Variants in SPTB observed in about 807,000 individuals in gnomAD.
SPTB encodes spectrin beta chain, erythrocytic.
A neutral mutation model predicts 256.2 loss-of-function variants in SPTB; 45 were observed. That is an observed-to-expected ratio of 0.18 (90% CI 0.14 to 0.23). The LOEUF (loss-of-function observed/expected upper bound fraction) is 0.23, where lower values mean the gene tolerates loss of function less well. SPTB is among the 10% of genes least tolerant of loss of function. The probability of loss-of-function intolerance (pLI) is 1.00; values close to 1 mark genes in which losing one functional copy is unlikely to be tolerated. For synonymous variants in SPTB, 1,231 were observed against 1,243.1 expected (o/e 0.99, Z 0.21); for missense variants, 2,715 against 3,040.4 (o/e 0.89, Z 2.52).
chr14:64,799,678 T>C, intron 9 of SPTB, 69 bp downstream of exon 9: 1 of 1,584,278 alleles, frequency 6.3e-7, no homozygotes, highest in Non-Finnish European at 8.6e-7. Flanking sequence ...GCCCAGAACC[T>C]GGCTCTACCT....
chr14:64,794,863 G>A (rs2082738005), intron 12 of SPTB, among the ~76,000 whole-genome samples: 2 of 152,198 alleles, frequency 1.3e-5, no homozygotes, highest in South Asian at 4.1e-4. Flanking sequence ...TACTGCATCG[G>A]TCTCAGGGTT....
chr14:64,765,939 T>C (rs760067501), intron 32 of SPTB, among the ~76,000 whole-genome samples: 74 of 148,556 alleles, frequency 5.0e-4, no homozygotes, highest in South Asian at 1.3e-3. Context: ...TGTATGTGTG[T>C]GGGTGTGAGT....
In SPTB at chr14:64,815,301, G is replaced by A. The variant is rs569863520; in HGVS notation, c.148+7646C>T. 1.2e-4 allele frequency among the ~76,000 whole-genome samples: 18 copies of A among 148,164 alleles called. No individual in the cohort carries two copies. The South Asian group carries it at 3.4e-3, about 28-fold the overall frequency. On this transcript the variant is annotated intron_variant, in intron 2 of 35. Transcript: ENST00000644917. ...ATGAAGCGGGCATCTCCCATGAAGCGCGAAGGAGCATGTGAGGTAAGAATG... is the reference window on the plus strand; with the variant it reads ...ATGAAGCGGGCATCTCCCATGAAGCACGAAGGAGCATGTGAGGTAAGAATG...
At chr14:64,832,185 T>C (rs1461206049) in intron 1 of SPTB, among the ~76,000 whole-genome samples, 1 of 152,228 alleles carries the variant, frequency 6.6e-6, no homozygotes, top group Non-Finnish European at 1.5e-5. Context: ...GTCACTCAAC[T>C]CACTGAAATC....
At position 64,795,595 on chromosome 14, in the gene SPTB, C is replaced by A. The variant is rs373287476; in HGVS notation, c.1386G>T (p.Lys462Asn). Reference protein sequence around the residue: ...YDLAAVEAAKKKHEAIETDTA... With the variant: ...YDLAAVEAAKNKHEAIETDTA... ...TGTCGGTCTCGATGGCCTCATGCTT[C>A]TTCTTGGCGGCCTCCACAGCTGCCA... Residue 462 changes from lysine to asparagine, a missense_variant, in exon 12 of 36, where the codon AAG (lysine) becomes AAT (asparagine). Transcript: ENST00000644917. This position sits in a 1 kb window ranked among gnomAD's most constrained non-coding sequence, Gnocchi z 6.5. 8 of 1,614,096 alleles carry A rather than the reference C, an allele frequency of 5.0e-6. No individual in the cohort carries two copies. Among genetic ancestry groups the A allele is most frequent in the Non-Finnish European group, 6.8e-6 (8 of 1,180,012 alleles).
chr14:64,822,088 G>A (rs529915007), intron 2 of SPTB, among the ~76,000 whole-genome samples: 1 of 151,880 alleles, frequency 6.6e-6, no homozygotes, highest in South Asian at 2.1e-4. Flanking sequence ...CAATGATAGG[G>A]AAACAGGTCC....
At chr14:64,859,124 C>T (rs1327149310) in intron 1 of SPTB, among the ~76,000 whole-genome samples, 1 of 149,490 alleles carries the variant, frequency 6.7e-6, no homozygotes, top group Non-Finnish European at 1.5e-5. Context: ...CGTGGTGGCA[C>T]GTGCCTATAG....
intron 1 of SPTB, among the ~76,000 whole-genome samples, chr14:64,871,855 A>G (rs1882551203): frequency 6.6e-6 from 1 of 152,248 alleles, no homozygotes; most frequent in African/African-American, 2.4e-5. Flanking sequence ...AAATATGACA[A>G]CCAGGAAGCA....
rs997592536 is a variant in SPTB at position 64,792,035 on chromosome 14, T to C, written c.2667-179A>G. Among the ~76,000 whole-genome samples the C allele has an allele frequency of 4.6e-5, 7 of 152,284 alleles. No individual in the cohort carries two copies. The highest frequency in any genetic ancestry group is 4.1e-4 in the South Asian group (2 of 4,832). On this transcript the variant is annotated intron_variant, in intron 14 of 35. Transcript: ENST00000644917. This position sits in a 1 kb window ranked among gnomAD's most constrained non-coding sequence, Gnocchi z 4.2. Reference sequence around the variant, plus strand: ...TATGCTGGCCCTCCTTTCTGGTTCATGGGTTTGATTTCATGAGTTAGCATT... The same window carrying C: ...TATGCTGGCCCTCCTTTCTGGTTCACGGGTTTGATTTCATGAGTTAGCATT...
rs781166998 is a variant in SPTB, at chr14:64,749,565, C to A, written c.6819+89G>T. The A allele has an allele frequency of 2.3e-4, 372 of 1,605,368 alleles. No homozygotes were observed. Among genetic ancestry groups the A allele is most frequent in the Non-Finnish European group, 2.7e-4 (322 of 1,179,010 alleles). ...AATGGTGGGGGCTCTTGGGACTGCC[C>A]CTTCTGAGGGGGCCTCCAGGGCAAG... On this transcript the variant is annotated intron_variant, in intron 35 of 35. Transcript: ENST00000644917. The surrounding 1 kb of genome is among the most constrained non-coding windows in gnomAD (Gnocchi z 4.7).
rs763003753 is a variant in SPTB at position 64,793,521 on chromosome 14, G to C, written c.2142C>G (p.Ile714Met). ...CCGACACCTCCTTTATGCGGGCCTC[G>C]ATCTGCGGGTGCCCAAACTGCTTGC... is the stretch of plus-strand genomic sequence containing the variant. Reference protein sequence around the residue: ...VARKQFGHPQIEARIKEVSAQ... With the variant: ...VARKQFGHPQMEARIKEVSAQ... Residue 714 changes from isoleucine (I) to methionine (M), a missense_variant, in exon 14 of 36, where the codon ATC becomes ATG. Ile to Met is a conservative substitution (Grantham distance 10). This residue lies in a region of SPTB where 2,239 missense variants were observed against 2,384.4 expected (regional missense o/e 0.94). Coordinates refer to ENST00000644917, the MANE Select transcript of SPTB (RefSeq NM_001355436.2). This position sits in a 1 kb window ranked among gnomAD's most constrained non-coding sequence, Gnocchi z 7.0. The C allele has an allele frequency of 1.6e-5, 26 of 1,613,970 alleles. No homozygotes were observed. The Admixed American group carries it at 4.3e-4, about 27-fold the overall frequency.
Position 64,773,213 on chromosome 14 carries a change from T to G in SPTB, c.5178+7A>C. ...AGACAAAAACAGCAGGAGTTGTGGC[T>G]ACTCACAGTCACGTGGTCAAAGTCT... is the stretch of plus-strand genomic sequence containing the variant. On this transcript the variant is annotated splice_region_variant and intron_variant, in intron 25 of 35. Coordinates refer to ENST00000644917, the MANE Select transcript of SPTB (RefSeq NM_001355436.2). 1 of 1,614,190 alleles carries G rather than the reference T, an allele frequency of 6.2e-7. No homozygotes were observed. Among genetic ancestry groups the G allele is most frequent in the East Asian group, 2.2e-5 (1 of 44,882 alleles).
intron 19 of SPTB, among the ~76,000 whole-genome samples, chr14:64,783,044 G>C (rs2082499470): frequency 6.6e-6 from 1 of 152,136 alleles, no homozygotes; most frequent in African/African-American, 2.4e-5. Flanking sequence ...AGTCAGTGCA[G>C]AAACTGCCCC....
intron 20 of SPTB, among the ~76,000 whole-genome samples, chr14:64,781,972 C>T (rs970180852): frequency 1.3e-5 from 2 of 152,064 alleles, no homozygotes; most frequent in South Asian, 2.1e-4. Context: ...AAACAGAAAA[C>T]CAAATACCAC....
At chr14:64,808,073 C>CGCAATCTTGGCTCACT (rs2083019235) in intron 2 of SPTB, among the ~76,000 whole-genome samples, 1 of 152,194 alleles carries the variant, frequency 6.6e-6, no homozygotes, top group African/African-American at 2.4e-5. Flanking sequence ...AGTGCAGCGG[C>CGCAATCTTGGCTCACT]GCAATCTTGG....
At position 64,775,149 on chromosome 14, in the gene SPTB, G is replaced by A. The variant is rs4899145; in HGVS notation, c.4818C>T (p.Tyr1606=). ...AEAWIGEQEL[Y]VISDEIPKDE... is the part of the protein sequence containing the mutation. Reference sequence around the variant, plus strand: ...CCTTGGGGATCTCATCGGAGATGACGTAGAGCTCCTGCTCGCCAATCCAGG... The same window carrying A: ...CCTTGGGGATCTCATCGGAGATGACATAGAGCTCCTGCTCGCCAATCCAGG... The change falls in exon 23 of 36, where the codon TAC becomes TAT. Residue 1606 remains tyrosine, a synonymous_variant. Transcript: ENST00000644917. The surrounding 1 kb of genome is among the most constrained non-coding windows in gnomAD (Gnocchi z 5.0). The A allele has an allele frequency of 0.072, 115,805 of 1,613,884 alleles. 4,602 individuals carry two copies. Among genetic ancestry groups the A allele is most frequent in the Non-Finnish European group, 0.082 (97,045 of 1,180,000 alleles).
chr14:64,777,064 G>A lies in SPTB; in HGVS notation c.4564-1661C>T, dbSNP rs2082371034. On this transcript the variant is annotated intron_variant, in intron 22 of 35. Transcript: ENST00000644917. The surrounding 1 kb of genome is among the most constrained non-coding windows in gnomAD (Gnocchi z 4.5). ...GGAGAATGTCTGCTGCGATGTGGCA[G>A]GAGCCACTTTAGCTAAGGGAGTCAG... Among the ~76,000 whole-genome samples the A allele has an allele frequency of 6.6e-6, 1 of 152,240 alleles. No homozygotes were observed. The highest frequency in any genetic ancestry group is 1.5e-5 in the Non-Finnish European group (1 of 68,048).
rs1186161162 is a variant in SPTB, at chr14:64,824,031, A to C, written c.-51-886T>G. ...TCATTCATTTACAGTTAATTCAAAT[A>C]TGTACCAAGCTCCAACTAGGTGGCA... On this transcript the variant is annotated intron_variant, in intron 1 of 35. Coordinates refer to ENST00000644917, the MANE Select transcript of SPTB (RefSeq NM_001355436.2). This position sits in a 1 kb window ranked among gnomAD's most constrained non-coding sequence, Gnocchi z 5.7. 6.6e-6 allele frequency among the ~76,000 whole-genome samples: 1 copy of C among 152,202 alleles called. No individual in the cohort carries two copies. Among genetic ancestry groups the C allele is most frequent in the African/African-American group, 2.4e-5 (1 of 41,448 alleles).
chr14:64,766,827 G>C (rs1436164918), intron 31 of SPTB, 26 bp from the exon 32 acceptor site: 1 of 1,607,808 alleles, frequency 6.2e-7, no homozygotes. Flanking sequence ...TCTCTCTTTA[G>C]AAACAAGCAC....
Sources: allele counts gnomAD v4.1 joint callset (sites outside exome capture counted in the v4.1 genomes callset), GRCh38; gene constraint gnomAD v4.1.1; regional missense constraint gnomAD v4.1.1; non-coding constraint Gnocchi (gnomAD v3.1); transcripts MANE v1.5; gene names NCBI Gene and HGNC (gene_info 2026-07-23, HGNC 2026-07-21).